SGCZ: variants seen among roughly 807,000 people sequenced by gnomAD.
SGCZ encodes sarcoglycan zeta.
Under a neutral mutation model 41.3 loss-of-function variants are expected in SGCZ, and 40 were observed. The observed-to-expected ratio is 0.97, with a 90% CI of 0.75 to 1.26. The LOEUF (loss-of-function observed/expected upper bound fraction) is 1.26. Ranked by LOEUF, SGCZ falls within the 50% of genes most tolerant of loss-of-function variation. The probability of loss-of-function intolerance (pLI) is 0.00; values close to 1 mark genes in which losing one functional copy is unlikely to be tolerated. For missense variants in SGCZ, 552 were observed against 369.8 expected (o/e 1.49, Z -4.04); for synonymous variants, 206 against 137.5 (o/e 1.50, Z -3.49).
intron 1 of SGCZ, among the ~76,000 whole-genome samples, chr8:14,709,503 A>T (rs1021136340): frequency 1.3e-5 from 2 of 152,210 alleles, no homozygotes; most frequent in African/African-American, 4.8e-5. Context: ...CTTGGAGGAG[A>T]TATCACCCTT....
At chr8:15,081,730 C>T (rs950370313) in intron 1 of SGCZ, among the ~76,000 whole-genome samples, 1 of 152,094 alleles carries the variant, frequency 6.6e-6, no homozygotes, top group Admixed American at 6.5e-5. Context: ...TTCTTAACAA[C>T]ACCAATTTCC....
At chr8:14,977,647 C>G (rs575158960) in intron 1 of SGCZ, among the ~76,000 whole-genome samples, 30 of 152,044 alleles carry the variant, frequency 2.0e-4, no homozygotes, top group Middle Eastern at 3.4e-3. Context: ...CAAAATCTTG[C>G]CTGAGACTAC....
intron 2 of SGCZ, among the ~76,000 whole-genome samples, chr8:14,399,859 T>C (rs1488836108): frequency 1.3e-5 from 2 of 152,140 alleles, no homozygotes; most frequent in African/African-American, 4.8e-5. Flanking sequence ...TTATATGCTA[T>C]AAAGTTTACT....
intron 1 of SGCZ, among the ~76,000 whole-genome samples, chr8:15,136,979 TG>T (rs1453663331): frequency 6.6e-6 from 1 of 152,154 alleles, no homozygotes; most frequent in Non-Finnish European, 1.5e-5. Context: ...TGGGAAAGTT[TG>T]GAACTTCTTA....
chr8:15,191,933 C>A (rs1800553477), intron 1 of SGCZ, among the ~76,000 whole-genome samples: 1 of 152,042 alleles, frequency 6.6e-6, no homozygotes, highest in Non-Finnish European at 1.5e-5. Context: ...ATTTAGCTCT[C>A]ATTATACAAC....
At chr8:15,178,013 G>A (rs1255083512) in intron 1 of SGCZ, among the ~76,000 whole-genome samples, 2 of 152,048 alleles carry the variant, frequency 1.3e-5, no homozygotes, top group African/African-American at 4.8e-5. Flanking sequence ...ACCTCTACCT[G>A]TAAGCCCCAT....
At chr8:15,163,392 C>A (rs1458739212) in intron 1 of SGCZ, among the ~76,000 whole-genome samples, 2 of 152,182 alleles carry the variant, frequency 1.3e-5, no homozygotes, top group African/African-American at 4.8e-5. Context: ...AGAAGCCATG[C>A]TGTTTACCAT....
At chr8:14,609,840 A>T (rs570413962) in intron 1 of SGCZ, among the ~76,000 whole-genome samples, 5 of 152,218 alleles carry the variant, frequency 3.3e-5, no homozygotes, top group Non-Finnish European at 7.3e-5. Flanking sequence ...AAAAAACAGC[A>T]GGCTAATGTG....
At chr8:14,421,572 T>C (rs751617992) in intron 2 of SGCZ, among the ~76,000 whole-genome samples, 1 of 152,072 alleles carries the variant, frequency 6.6e-6, no homozygotes, top group Non-Finnish European at 1.5e-5. Context: ...AAGGACACAA[T>C]CAACCTATGG....
At chr8:14,421,976 C>A (rs1221167082) in intron 2 of SGCZ, among the ~76,000 whole-genome samples, 4 of 151,758 alleles carry the variant, frequency 2.6e-5, no homozygotes, top group Admixed American at 2.6e-4. Flanking sequence ...TTTAATAGAG[C>A]AATACAAGAT....
chr8:14,413,794 C>T (rs1799423118), intron 2 of SGCZ, among the ~76,000 whole-genome samples: 2 of 152,086 alleles, frequency 1.3e-5, no homozygotes, highest in African/African-American at 2.4e-5. Flanking sequence ...GTCTGTTTTA[C>T]AAACCCATTC....
At chr8:14,174,963 T>C (rs1455880303) in intron 4 of SGCZ, among the ~76,000 whole-genome samples, 1 of 152,138 alleles carries the variant, frequency 6.6e-6, no homozygotes, top group Non-Finnish European at 1.5e-5. Flanking sequence ...AGGACAGGGG[T>C]CATATTGTAT....
chr8:14,800,099 T>C (rs977331501), intron 1 of SGCZ, among the ~76,000 whole-genome samples: 3 of 151,740 alleles, frequency 2.0e-5, no homozygotes, highest in Non-Finnish European at 2.9e-5. Context: ...CAGGATTAAA[T>C]CTCACCATTG....
chr8:14,376,592 CAA>C (rs1015633892), intron 2 of SGCZ, among the ~76,000 whole-genome samples: 1 of 151,902 alleles, frequency 6.6e-6, no homozygotes, highest in Non-Finnish European at 1.5e-5. Flanking sequence ...ACCCAACCTT[CAA>C]AAAAGATACT....
intron 2 of SGCZ, among the ~76,000 whole-genome samples, chr8:14,404,029 AGGG>A (rs1009190746): frequency 2.6e-5 from 4 of 152,120 alleles, no homozygotes; most frequent in Non-Finnish European, 4.4e-5. Flanking sequence ...AAGATGGAGG[AGGG>A]GGGCCAACAA....
intron 5 of SGCZ, among the ~76,000 whole-genome samples, chr8:14,132,786 G>C (rs1236160412): frequency 6.6e-6 from 1 of 152,132 alleles, no homozygotes; most frequent in Non-Finnish European, 1.5e-5. Flanking sequence ...GTATTATAAA[G>C]TGGCAACTCT....
chr8:14,185,289 A>G (rs1351460909), intron 4 of SGCZ, among the ~76,000 whole-genome samples: 1 of 152,060 alleles, frequency 6.6e-6, no homozygotes, highest in Non-Finnish European at 1.5e-5. Context: ...CTGTAGTCCT[A>G]GCTACTCGCA....
intron 1 of SGCZ, among the ~76,000 whole-genome samples, chr8:15,195,549 G>T (rs1392203035): frequency 2.6e-5 from 4 of 152,138 alleles, no homozygotes; most frequent in Non-Finnish European, 5.9e-5. Context: ...CTTTCACAAT[G>T]CTAAAATGAT....
At chr8:14,157,670 A>G (rs112698421) in intron 5 of SGCZ, among the ~76,000 whole-genome samples, 1 of 152,160 alleles carries the variant, frequency 6.6e-6, no homozygotes, top group Non-Finnish European at 1.5e-5. Flanking sequence ...TATATTCACT[A>G]TAAGAAATAT....
Sources: gnomAD v4.1 joint callset for allele counts (sites outside exome capture counted in the v4.1 genomes callset) on GRCh38, gnomAD v4.1.1 for gene constraint, MANE v1.5 for transcripts, NCBI Gene and HGNC (gene_info 2026-07-23, HGNC 2026-07-21) for gene names.